The following SAMD5 variants were observed in gnomAD, a reference collection of about 807,000 sequenced individuals.
The protein encoded by SAMD5 is sterile alpha motif domain containing 5.
A neutral mutation model predicts 11.3 loss-of-function variants in SAMD5; 13 were observed. That is an observed-to-expected ratio of 1.15 (90% CI 0.75 to 1.83). The LOEUF (loss-of-function observed/expected upper bound fraction) is 1.83. SAMD5 is among the 40% of genes most tolerant of loss of function. The pLI, the probability that SAMD5 is intolerant of heterozygous loss-of-function variation, is 0.00. For synonymous variants in SAMD5, 129 were observed against 111.3 expected, an observed-to-expected ratio of 1.16 and a Z score of -1.00; for missense variants, 255 against 239.1, an observed-to-expected ratio of 1.07 and a Z score of -0.44.
At chr6:147,551,812 T>TTATATATATATATATATATATATATATA (rs10691979) in intron 1 of SAMD5, among the ~76,000 whole-genome samples, 3 of 99,444 alleles carry the variant, frequency 3.0e-5, no homozygotes, top group Admixed American at 1.2e-4. Flanking sequence ...TATATATATG[T>TTATATATATATATATATATATATATATA]TATATATATA....
intron 1 of SAMD5, among the ~76,000 whole-genome samples, chr6:147,701,391 T>G (rs969166588): frequency 6.6e-6 from 1 of 152,210 alleles, no homozygotes; most frequent in Non-Finnish European, 1.5e-5. Context: ...CCCGGCACTT[T>G]GGGAGGCCCA....
intron 1 of SAMD5, 54 bp from the exon 2 acceptor site, chr6:147,564,340 G>A (rs554274246): frequency 1.5e-5 from 12 of 774,416 alleles, no homozygotes; most frequent in South Asian, 1.5e-4. Flanking sequence ...GATGGACTAG[G>A]GGAAGAATGG....
At chr6:147,902,267 A>G in the SAMD5 span, among the ~76,000 whole-genome samples, 2 of 152,250 alleles carry the variant, frequency 1.3e-5, no homozygotes, top group South Asian at 4.1e-4. Flanking sequence ...GCTATGTATC[A>G]AAGCCGCATT....
At chr6:147,881,171 A>G in the SAMD5 span, among the ~76,000 whole-genome samples, 1 of 152,318 alleles carries the variant, frequency 6.6e-6, no homozygotes, top group South Asian at 2.1e-4. Context: ...AGTTATTTTC[A>G]GAAATGACAG....
chr6:147,633,091 C>T (rs2128451494), intron 1 of SAMD5, among the ~76,000 whole-genome samples: 1 of 152,280 alleles, frequency 6.6e-6, no homozygotes, highest in South Asian at 2.1e-4. Flanking sequence ...AATACAGGCA[C>T]TTTCAGTTTT....
chr6:147,761,571 C>T, the SAMD5 span, among the ~76,000 whole-genome samples: 2 of 151,958 alleles, frequency 1.3e-5, no homozygotes, highest in Non-Finnish European at 2.9e-5. Context: ...TATTTCAAAA[C>T]TTATATGCTA....
At chr6:147,679,826 G>A (rs1790916201) in intron 1 of SAMD5, among the ~76,000 whole-genome samples, 1 of 148,756 alleles carries the variant, frequency 6.7e-6, no homozygotes, top group Non-Finnish European at 1.5e-5. Context: ...TTTTCATGTG[G>A]GTATCCAATT....
Position 147,565,967 on chromosome 6 carries a change from T to C in SAMD5, c.*1511T>C, listed in dbSNP as rs575696225. 5.1e-6 allele frequency: 5 copies of C among 985,176 alleles called. No homozygotes were observed. The highest frequency in any genetic ancestry group is 6.1e-5 in the Admixed American group (1 of 16,274). 61.0% of individuals were successfully genotyped at this position (985,176 alleles called of 1,614,324 possible). ...ATGTAAGTTCCCATCGGCACCGTCA[T>C]GGTAAGAAGAATAAGAAACTCTCAA... On this transcript the variant is annotated 3_prime_UTR_variant, in exon 2 of 2. Transcript: ENST00000367474.
At chr6:147,693,418 C>T (rs1020118792) in intron 1 of SAMD5, among the ~76,000 whole-genome samples, 27 of 152,234 alleles carry the variant, frequency 1.8e-4, no homozygotes, top group African/African-American at 6.0e-4. Context: ...GAGGAAGATT[C>T]ATAAGGCCGT....
chr6:147,832,124 T>C, the SAMD5 span, among the ~76,000 whole-genome samples: 41 of 152,082 alleles, frequency 2.7e-4, no homozygotes, highest in African/African-American at 9.4e-4. Context: ...ACCTAATACA[T>C]AGGATGAAAG....
rs1583087399 is a variant in SAMD5, at chr6:147,567,520, C to T, written c.*3064C>T. The T allele has an allele frequency of 1.1e-6, 1 of 934,774 alleles. No homozygotes were observed. The highest frequency in any genetic ancestry group is 1.2e-4 in the East Asian group (1 of 8,558). 57.9% of individuals were successfully genotyped at this position (934,774 alleles called of 1,614,324 possible). A position where few individuals can be genotyped will look rare whatever the true frequency, so the allele number is the denominator to read the frequency against. On this transcript the variant is annotated 3_prime_UTR_variant, in exon 2 of 2. Transcript: ENST00000367474. Reference sequence around the variant, plus strand: ...ATGAAACTCATTAAAGCTTCTTTTCCCTTGTCTGTAAAATGGGAAAAATAA... The same window carrying T: ...ATGAAACTCATTAAAGCTTCTTTTCTCTTGTCTGTAAAATGGGAAAAATAA...
At chr6:147,668,954 A>T (rs1257159020) in intron 1 of SAMD5, among the ~76,000 whole-genome samples, 1 of 152,254 alleles carries the variant, frequency 6.6e-6, no homozygotes, top group Non-Finnish European at 1.5e-5. Flanking sequence ...AAAAAATGCT[A>T]ACAATCATCT....
At chr6:147,621,729 T>C (rs949901250) in intron 1 of SAMD5, among the ~76,000 whole-genome samples, 1 of 152,094 alleles carries the variant, frequency 6.6e-6, no homozygotes. Context: ...CTCCCTTCTG[T>C]GGGTGCTGTT....
the SAMD5 span, among the ~76,000 whole-genome samples, chr6:147,753,135 T>C: frequency 2.6e-5 from 4 of 152,186 alleles, no homozygotes; most frequent in Middle Eastern, 3.2e-3. Flanking sequence ...AACACTGTTA[T>C]CAGTGTTGAT....
the SAMD5 span, among the ~76,000 whole-genome samples, chr6:147,807,235 G>A: frequency 5.9e-5 from 9 of 152,196 alleles, no homozygotes; most frequent in African/African-American, 1.4e-4. Context: ...GAGTAGCTGG[G>A]ACTACAGGCA....
At chr6:147,820,817 T>C in the SAMD5 span, among the ~76,000 whole-genome samples, 58 of 152,272 alleles carry the variant, frequency 3.8e-4, no homozygotes, top group African/African-American at 1.3e-3. Context: ...GGAGCTGAAA[T>C]TGTGAAGCTT....
intron 1 of SAMD5, among the ~76,000 whole-genome samples, chr6:147,687,085 A>G (rs1162189353): frequency 6.6e-6 from 1 of 152,178 alleles, no homozygotes; most frequent in Non-Finnish European, 1.5e-5. Flanking sequence ...TTCTGGGACA[A>G]ATGACATCTT....
chr6:147,919,917 TC>T, the SAMD5 span, among the ~76,000 whole-genome samples: 1 of 152,218 alleles, frequency 6.6e-6, no homozygotes, highest in African/African-American at 2.4e-5. Context: ...ATTCAGTGCC[TC>T]CTGTCCAGTG....
intron 1 of SAMD5, among the ~76,000 whole-genome samples, chr6:147,679,776 A>G (rs1234501577): frequency 2.7e-5 from 4 of 149,630 alleles, no homozygotes; most frequent in South Asian, 2.1e-4. Context: ...ATTTTGAACT[A>G]TTGTGTATAA....
Sources: allele counts gnomAD v4.1 joint callset (sites outside exome capture counted in the v4.1 genomes callset), GRCh38; gene constraint gnomAD v4.1.1; transcripts MANE v1.5; gene names NCBI Gene and HGNC (gene_info 2026-07-23, HGNC 2026-07-21).